The following ADGRL1 variants were observed in gnomAD, a reference collection of about 807,000 sequenced individuals.
ADGRL1 encodes CIRL-1.
In ADGRL1, 31 loss-of-function variants were observed where a neutral mutation model predicts 148.9. The ratio of observed to expected loss-of-function variants is 0.21; its 90% CI spans 0.16 to 0.28. The LOEUF is 0.28. Ranked by LOEUF, ADGRL1 falls within the 10% of genes least tolerant of loss-of-function variation. The probability of loss-of-function intolerance (pLI) is 1.00; values close to 1 mark genes in which losing one functional copy is unlikely to be tolerated. For synonymous variants in ADGRL1, 937 were observed against 900.3 expected (o/e 1.04, Z -0.73); for missense variants, 1,521 against 2,058.8 (o/e 0.74, Z 5.05).
intron 4 of ADGRL1, 145 bp downstream of exon 4, chr19:14,170,537 T>C (rs1446411217): frequency 3.5e-6 from 2 of 579,200 alleles, no homozygotes; most frequent in Middle Eastern, 3.1e-4. Context: ...GATTAGAGAA[T>C]GTGTGTTGGA....
chr19:14,186,948 C>A (rs1209970388), intron 1 of ADGRL1, among the ~76,000 whole-genome samples: 2 of 152,256 alleles, frequency 1.3e-5, no homozygotes, highest in Non-Finnish European at 2.9e-5. Flanking sequence ...GCTGCCCTCA[C>A]CCGCCATCCT....
intron 1 of ADGRL1, among the ~76,000 whole-genome samples, chr19:14,203,187 C>T (rs2145193273): frequency 6.6e-6 from 1 of 152,168 alleles, no homozygotes; most frequent in African/African-American, 2.4e-5. Context: ...CTCAGGAGCC[C>T]CTCCCCCTGC....
At chr19:14,158,943 G>A (rs1488775399) in intron 11 of ADGRL1, 147 bp downstream of exon 11, 2 of 998,190 alleles carry the variant, frequency 2.0e-6, no homozygotes, top group East Asian at 5.1e-5. Context: ...CAGCACTTCA[G>A]GGCCCATGAA....
intron 1 of ADGRL1, among the ~76,000 whole-genome samples, chr19:14,197,012 A>C (rs1265629949): frequency 6.6e-6 from 1 of 152,168 alleles, no homozygotes; most frequent in Non-Finnish European, 1.5e-5. Context: ...ACAGTGGCTC[A>C]TGCCTGTAAT....
Position 14,161,555 on chromosome 19 carries a change from G to A in ADGRL1, c.1267C>T (p.Pro423Ser). 1.4e-6 allele frequency: 2 copies of A among 1,456,042 alleles called. No individual in the cohort carries two copies. Among genetic ancestry groups the A allele is most frequent in the Non-Finnish European group, 1.8e-6 (2 of 1,106,064 alleles). 90.2% of individuals were successfully genotyped at this position (1,456,042 alleles called of 1,614,324 possible). Reference protein sequence around the residue: ...RPTPLTSTASPAATTPLRRAP... With the variant: ...RPTPLTSTASSAATTPLRRAP... ...CGGCGGAGCGGGGTGGTGGCTGCGGGCGAGGCTGTGCTGGTGAGGGGCGTG... is the reference window on the plus strand; with the variant it reads ...CGGCGGAGCGGGGTGGTGGCTGCGGACGAGGCTGTGCTGGTGAGGGGCGTG... Residue 423 changes from proline to serine, a missense_variant, in exon 6 of 23, where the codon CCC (proline) becomes TCC (serine). Transcript: ENST00000361434. The surrounding 1 kb of genome is among the most constrained non-coding windows in gnomAD (Gnocchi z 4.4).
At chr19:14,153,038 C>G in intron 18 of ADGRL1, 126 bp from the exon 19 acceptor site, 1 of 1,140,896 alleles carries the variant, frequency 8.8e-7, no homozygotes, top group Non-Finnish European at 1.2e-6. Context: ...TGACTGTGTT[C>G]CCCTGTTCAG....
intron 2 of ADGRL1, among the ~76,000 whole-genome samples, chr19:14,180,448 G>A (rs1361298439): frequency 6.6e-6 from 1 of 152,050 alleles, no homozygotes; most frequent in East Asian, 1.9e-4. Flanking sequence ...TAGAGACGGG[G>A]TTTTGCCATG....
chr19:14,161,632 G>A lies in ADGRL1; in HGVS notation c.1196-6C>T. ...GGGTGGGGAAGTGGCTGGGCCTGGA[G>A]AGGGGATACGAGACAGGGTCATCCC... is the stretch of plus-strand genomic sequence containing the variant. On this transcript the variant is annotated splice_polypyrimidine_tract_variant and splice_region_variant and intron_variant, in intron 5 of 22. Transcript: ENST00000361434. The surrounding 1 kb of genome is among the most constrained non-coding windows in gnomAD (Gnocchi z 4.4). 2 of 1,398,848 alleles carry A rather than the reference G, an allele frequency of 1.4e-6. No homozygotes were observed. Among genetic ancestry groups the A allele is most frequent in the Non-Finnish European group, 1.8e-6 (2 of 1,081,368 alleles). 86.7% of individuals were successfully genotyped at this position (1,398,848 alleles called of 1,614,324 possible).
chr19:14,159,368 TC>T lies in ADGRL1; in HGVS notation c.2023+32del, dbSNP rs766540966. 2.5e-6 allele frequency: 4 copies of T among 1,585,866 alleles called. No homozygotes were observed. The South Asian group carries it at 4.6e-5, about 18-fold the overall frequency. On this transcript the variant is annotated intron_variant, in intron 10 of 22. Coordinates refer to ENST00000361434, the MANE Select transcript of ADGRL1 (RefSeq NM_014921.5). This position sits in a 1 kb window ranked among gnomAD's most constrained non-coding sequence, Gnocchi z 6.0. ...AGAACCCCGTGGTTTAAGGTTCGTA[TC>T]TGAGTTTGCCCTGGGTGACTGTGGC...
At chr19:14,194,924 G>A (rs111387035) in intron 1 of ADGRL1, among the ~76,000 whole-genome samples, 14 of 143,248 alleles carry the variant, frequency 9.8e-5, no homozygotes, top group African/African-American at 3.4e-4. Flanking sequence ...TTGCTGTGTC[G>A]CCCAGGCTGG....
At chr19:14,200,870 A>T (rs1335942354) in intron 1 of ADGRL1, among the ~76,000 whole-genome samples, 4 of 152,206 alleles carry the variant, frequency 2.6e-5, no homozygotes, top group African/African-American at 9.6e-5. Context: ...CTCCTGCCTC[A>T]GCCTCCCAAA....
chr19:14,203,036 C>G (rs1017288825), intron 1 of ADGRL1, among the ~76,000 whole-genome samples: 3 of 152,176 alleles, frequency 2.0e-5, no homozygotes, highest in African/African-American at 4.8e-5. Context: ...CCACCTCACT[C>G]CAGGACCCGT....
chr19:14,158,418 C>A lies in ADGRL1; in HGVS notation c.2284G>T (p.Val762Phe). 6.2e-7 allele frequency: 1 copy of A among 1,613,778 alleles called. No homozygotes were observed. Among genetic ancestry groups the A allele is most frequent in the Non-Finnish European group, 8.5e-7 (1 of 1,180,038 alleles). ...TCCTTGTTGATGGATGCTGCGATGA[C>A]CTGTGAGTTCACCACTAGAGAGGCG... ...GGASLVVNSQ[V>F]IAASINKESS... Residue 762 changes from valine to phenylalanine, a missense_variant, in exon 12 of 23, where the codon GTC becomes TTC. This residue lies in a region of ADGRL1 where 265 missense variants were observed against 431.9 expected (regional missense o/e 0.61). Transcript: ENST00000361434.
chr19:14,157,172 C>G lies in ADGRL1; in HGVS notation c.2746-27G>C, dbSNP rs747003147. The G allele has an allele frequency of 1.2e-6, 2 of 1,613,520 alleles. No homozygotes were observed. Among genetic ancestry groups the G allele is most frequent in the Middle Eastern group, 1.6e-4 (1 of 6,062 alleles). ...TGCGGGGAGCACTGAGGGTGAGGGG[C>G]TGCTGCCTGGACAGGTGTCCCCCTT... On this transcript the variant is annotated intron_variant, in intron 14 of 22. Transcript: ENST00000361434. This position sits in a 1 kb window ranked among gnomAD's most constrained non-coding sequence, Gnocchi z 7.5.
rs962189808 is a variant in ADGRL1, at chr19:14,155,925, C to T, written c.3125+185G>A. 4 of 598,138 alleles carry T rather than the reference C, an allele frequency of 6.7e-6. No homozygotes were observed. The highest frequency in any genetic ancestry group is 2.8e-5 in the Admixed American group (1 of 35,566). The allele number at this position is 598,138 out of a possible 1,614,324, so 37.1% of individuals were successfully genotyped here. On this transcript the variant is annotated intron_variant, in intron 17 of 22. Coordinates refer to ENST00000361434, the MANE Select transcript of ADGRL1 (RefSeq NM_014921.5). The surrounding 1 kb of genome is among the most constrained non-coding windows in gnomAD (Gnocchi z 5.0). ...CCACAGGTTGGACGTGCTAATGATACGCTATCTAAGACCCATTAAGTAGGT... is the reference window on the plus strand; with the variant it reads ...CCACAGGTTGGACGTGCTAATGATATGCTATCTAAGACCCATTAAGTAGGT...
rs768775667 is a variant in ADGRL1, at chr19:14,157,443, G to A, written c.2553C>T (p.Asn851=). The part of the protein sequence containing the change: ...AHREIYQGRI[N]ELLLSVITWV... ...AGGTGATGACCGACAGCAGCAGCTC[G>A]TTGATGCGGCCCTGGTACTGGGGAC... is the stretch of plus-strand genomic sequence containing the variant. Residue 851 remains asparagine, a synonymous_variant, in exon 14 of 23, where the codon AAC becomes AAT. Transcript: ENST00000361434. This position sits in a 1 kb window ranked among gnomAD's most constrained non-coding sequence, Gnocchi z 7.5. The A allele has an allele frequency of 1.7e-5, 28 of 1,613,942 alleles. No homozygotes were observed. The highest frequency in any genetic ancestry group is 9.3e-5 in the African/African-American group (7 of 74,930).
At position 14,163,261 on chromosome 19, in the gene ADGRL1, G is replaced by C; in HGVS notation, c.540C>G (p.Asp180Glu). The change falls in exon 5 of 23, where the codon GAC becomes GAG. Residue 180 changes from aspartate to glutamate, a missense_variant. Coordinates refer to ENST00000361434, the MANE Select transcript of ADGRL1 (RefSeq NM_014921.5). ...CCCACGAGGCATACTCAGTCAGTGT[G>C]TCCGTGCGGTAGGGGATCCAGGGCA... ...YVMPWIPYRT[D>E]TLTEYASWED... is the part of the protein sequence containing the mutation. 4 of 1,613,778 alleles carry C rather than the reference G, an allele frequency of 2.5e-6. No homozygotes were observed. The highest frequency in any genetic ancestry group is 3.4e-6 in the Non-Finnish European group (4 of 1,180,040).
chr19:14,194,607 GAC>G (rs1972142491), intron 1 of ADGRL1, among the ~76,000 whole-genome samples: 1 of 152,218 alleles, frequency 6.6e-6, no homozygotes, highest in Non-Finnish European at 1.5e-5. Flanking sequence ...TATACCCAGG[GAC>G]ACTCAACTGG....
chr19:14,152,423 G>T lies in ADGRL1; in HGVS notation c.3535C>A (p.His1179Asn). The T allele has an allele frequency of 1.2e-6, 2 of 1,601,282 alleles. No individual in the cohort carries two copies. The highest frequency in any genetic ancestry group is 1.7e-6 in the Non-Finnish European group (2 of 1,171,156). ...TGCAGCACGGGGTTGGTCAGCAGGT[G>T]GTTCCCCATGGTACCTGGCCAAAGG... ...PTLNRGTMGN[H>N]LLTNPVLQPR... The change falls in exon 21 of 23, where the codon CAC becomes AAC. Residue 1179 changes from histidine (H) to asparagine (N), a missense_variant. This residue lies in a region of ADGRL1 where 47 missense variants were observed against 64.6 expected (regional missense o/e 0.73). Coordinates refer to ENST00000361434, the MANE Select transcript of ADGRL1 (RefSeq NM_014921.5). This position sits in a 1 kb window ranked among gnomAD's most constrained non-coding sequence, Gnocchi z 6.1.
Sources: gnomAD v4.1 joint callset for allele counts (sites outside exome capture counted in the v4.1 genomes callset) on GRCh38, gnomAD v4.1.1 for gene constraint, gnomAD v4.1.1 regional missense constraint, Gnocchi (gnomAD v3.1) non-coding constraint, MANE v1.5 for transcripts, NCBI Gene and HGNC (gene_info 2026-07-23, HGNC 2026-07-21) for gene names.